The following ITGB6 variants were observed in gnomAD, a reference collection of about 807,000 sequenced individuals.
The protein encoded by ITGB6 is integrin beta-6.
ITGB6 carries 80 observed loss-of-function variants against 84.5 expected under a neutral mutation model. The observed-to-expected ratio is 0.95, with a 90% CI of 0.79 to 1.14. The LOEUF (loss-of-function observed/expected upper bound fraction) is 1.14. Ranked by LOEUF, ITGB6 falls within the 50% of genes most tolerant of loss-of-function variation. ITGB6 has a pLI of 0.00. For synonymous variants in ITGB6, 383 were observed against 354.9 expected (o/e 1.08, Z -0.89); for missense variants, 1,006 against 968.0 (o/e 1.04, Z -0.52).
chr2:160,162,400 AT>A (rs1477566216), intron 7 of ITGB6, among the ~76,000 whole-genome samples: 2 of 152,122 alleles, frequency 1.3e-5, no homozygotes, highest in African/African-American at 4.8e-5. Context: ...ACACACACAT[AT>A]TTTTAATAGC....
At chr2:160,188,645 C>A (rs1686006969) in intron 4 of ITGB6, among the ~76,000 whole-genome samples, 1 of 151,818 alleles carries the variant, frequency 6.6e-6, no homozygotes. Context: ...GCTCTGTCAC[C>A]CAGGCTAGAG....
chr2:160,108,136 A>G (rs1410707222), intron 13 of ITGB6, among the ~76,000 whole-genome samples: 3 of 152,038 alleles, frequency 2.0e-5, no homozygotes, highest in African/African-American at 4.8e-5. Flanking sequence ...TGCACATGGA[A>G]TATTTAAAGG....
chr2:160,187,809 G>A (rs183077269), intron 4 of ITGB6, among the ~76,000 whole-genome samples: 5 of 152,116 alleles, frequency 3.3e-5, no homozygotes, highest in Non-Finnish European at 5.9e-5. Flanking sequence ...ATTTTAAAAT[G>A]TTTCTGTTTT....
At chr2:160,195,682 C>G in intron 3 of ITGB6, 67 bp from the exon 4 acceptor site, 1 of 1,579,670 alleles carries the variant, frequency 6.3e-7, no homozygotes, top group Non-Finnish European at 8.6e-7. Flanking sequence ...ACTGGCCACT[C>G]GCTGGGTCAG....
rs529759201 is a variant in ITGB6, at chr2:160,141,518, G to A, written c.1107+464C>T. 5.1e-4 allele frequency among the ~76,000 whole-genome samples: 77 copies of A among 152,268 alleles called. 1 individual carries two copies. Among genetic ancestry groups the A allele is most frequent in the Admixed American group, 1.2e-3 (19 of 15,292 alleles). ...CTCCAAAGTATAGAAATTAAAAAGT[G>A]GCATTCCTTGTGTACTGGTGTTTTG... On this transcript the variant is annotated intron_variant, in intron 8 of 14. Transcript: ENST00000283249.
At chr2:160,180,377 G>C (rs1395035999) in intron 4 of ITGB6, among the ~76,000 whole-genome samples, 1 of 152,154 alleles carries the variant, frequency 6.6e-6, no homozygotes, top group Non-Finnish European at 1.5e-5. Flanking sequence ...AAACTCCAGG[G>C]CTTAAGCAAT....
rs1172685132 is a variant in ITGB6 at position 160,111,390 on chromosome 2, C to A, written c.2101+690G>T. On this transcript the variant is annotated intron_variant, in intron 13 of 14. Transcript: ENST00000283249. ...TTTTGGTATTATAAAGTAATTTCTC[C>A]TTATACAGCAGGATTCTCCTTATGT... 3.9e-5 allele frequency among the ~76,000 whole-genome samples: 6 copies of A among 152,042 alleles called. No homozygotes were observed. In the South Asian group the frequency reaches 1.0e-3, roughly 26 times the overall value.
chr2:160,123,579 A>T (rs759767680), intron 12 of ITGB6, among the ~76,000 whole-genome samples: 1 of 152,174 alleles, frequency 6.6e-6, no homozygotes. Context: ...AGTCAAATAG[A>T]ATAGCTATGA....
At chr2:160,130,633 A>C (rs972182040) in intron 10 of ITGB6, among the ~76,000 whole-genome samples, 2 of 152,220 alleles carry the variant, frequency 1.3e-5, no homozygotes, top group Non-Finnish European at 2.9e-5. Flanking sequence ...AATTGACATA[A>C]TTAATTCAAA....
At chr2:160,107,247 G>GA (rs1342774374) in intron 14 of ITGB6, among the ~76,000 whole-genome samples, 1 of 152,048 alleles carries the variant, frequency 6.6e-6, no homozygotes, top group Non-Finnish European at 1.5e-5. Flanking sequence ...TATTTCCAAA[G>GA]AAATTGGCAT....
At chr2:160,155,173 C>A (rs1430108092) in intron 7 of ITGB6, among the ~76,000 whole-genome samples, 1 of 152,082 alleles carries the variant, frequency 6.6e-6, no homozygotes, top group Non-Finnish European at 1.5e-5. Flanking sequence ...TATAAATTAC[C>A]CAGTCCCAGG....
chr2:160,169,467 T>C (rs1023691434), intron 6 of ITGB6, among the ~76,000 whole-genome samples, 160 bp from the exon 7 acceptor site: 5 of 152,218 alleles, frequency 3.3e-5, no homozygotes, highest in African/African-American at 1.2e-4. Context: ...TTAGCATTAT[T>C]CACTTAGTTG....
chr2:160,197,120 T>C (rs1686373083), intron 2 of ITGB6, among the ~76,000 whole-genome samples: 1 of 151,926 alleles, frequency 6.6e-6, no homozygotes, highest in Admixed American at 6.6e-5. Flanking sequence ...GATTTGAAAG[T>C]GAGGAAGAAA....
chr2:160,183,166 C>A (rs1050748361), intron 4 of ITGB6, among the ~76,000 whole-genome samples: 6 of 152,158 alleles, frequency 3.9e-5, no homozygotes, highest in Admixed American at 3.9e-4. Context: ...TGTAAATGGG[C>A]TAAATGCCCC....
chr2:160,170,378 C>T (rs573558506), intron 6 of ITGB6, among the ~76,000 whole-genome samples: 1 of 152,326 alleles, frequency 6.6e-6, no homozygotes, highest in African/African-American at 2.4e-5. Context: ...TGATTTCCAT[C>T]ACATTTGGAT....
rs888229620 is a variant in ITGB6, at chr2:160,175,773, C to T, written c.594-1634G>A. Among the ~76,000 whole-genome samples the T allele has an allele frequency of 7.9e-5, 12 of 152,266 alleles. No homozygotes were observed. The South Asian group carries it at 1.2e-3, about 16-fold the overall frequency. On this transcript the variant is annotated intron_variant, in intron 4 of 14. Transcript: ENST00000283249. ...CATGTGGCGTCTTTAAATAGAAGCA[C>T]ACATAAAATAAGTTTGTGTAGTGAT... is the stretch of plus-strand genomic sequence containing the variant.
At position 160,123,838 on chromosome 2, in the gene ITGB6, C is replaced by T. The variant is rs1441324615; in HGVS notation, c.1934G>A (p.Cys645Tyr). 6.2e-7 allele frequency: 1 copy of T among 1,614,110 alleles called. No homozygotes were observed. Among genetic ancestry groups the T allele is most frequent in the Non-Finnish European group, 8.5e-7 (1 of 1,180,004 alleles). The change falls in exon 12 of 15, where the codon TGT (cysteine) becomes TAT (tyrosine). Residue 645 changes from cysteine to tyrosine, a missense_variant. Cys to Tyr is a radical substitution (Grantham distance 194). Coordinates refer to ENST00000283249, the MANE Select transcript of ITGB6 (RefSeq NM_000888.5). ...ACCAGCTAGTTTGCACTTGTCCACACATTCTTCTCGGGCTTGGCCAGCTGC... is the reference window on the plus strand; with the variant it reads ...ACCAGCTAGTTTGCACTTGTCCACATATTCTTCTCGGGCTTGGCCAGCTGC... The part of the protein sequence containing the change: ...LSAAGQAREE[C>Y]VDKCKLAGAT...
chr2:160,169,872 C>A (rs1363203191), intron 6 of ITGB6, among the ~76,000 whole-genome samples: 2 of 152,142 alleles, frequency 1.3e-5, no homozygotes, highest in African/African-American at 4.8e-5. Context: ...TGGAATCGTG[C>A]AATATTTTTA....
intron 7 of ITGB6, among the ~76,000 whole-genome samples, chr2:160,151,709 T>C (rs1041830784): frequency 6.7e-6 from 1 of 150,074 alleles, no homozygotes; most frequent in Non-Finnish European, 1.5e-5. Context: ...GCAAGACTAA[T>C]AAAGAAGAAA....
Sources: allele counts gnomAD v4.1 joint callset (sites outside exome capture counted in the v4.1 genomes callset), GRCh38; gene constraint gnomAD v4.1.1; transcripts MANE v1.5; gene names NCBI Gene and HGNC (gene_info 2026-07-23, HGNC 2026-07-21).